Variants in AHI1 observed in about 807,000 individuals in gnomAD.
The protein encoded by AHI1 is jouberin.
A neutral mutation model predicts 149.3 loss-of-function variants in AHI1; 123 were observed. That is an observed-to-expected ratio of 0.82 (90% CI 0.71 to 0.96). The LOEUF is 0.96. AHI1 is among the 40% of genes least tolerant of loss of function. The pLI is 0.00. For synonymous variants in AHI1, 475 were observed against 459.8 expected (o/e 1.03, Z -0.42); for missense variants, 1,439 against 1,422.7 (o/e 1.01, Z -0.18).
At chr6:135,411,935 C>A (rs984387756) in intron 20 of AHI1, among the ~76,000 whole-genome samples, 1 of 152,138 alleles carries the variant, frequency 6.6e-6, no homozygotes, top group Non-Finnish European at 1.5e-5. Flanking sequence ...TTAATTTTTA[C>A]ACACACATTC....
intron 5 of AHI1, among the ~76,000 whole-genome samples, chr6:135,480,388 G>A (rs566169386): frequency 3.9e-4 from 60 of 152,164 alleles, no homozygotes; most frequent in African/African-American, 1.4e-3. Flanking sequence ...AGCCCAGGAG[G>A]TGAAGGCTGC....
At chr6:135,326,333 A>G (rs1262260783) in intron 24 of AHI1, among the ~76,000 whole-genome samples, 1 of 152,210 alleles carries the variant, frequency 6.6e-6, no homozygotes, top group Non-Finnish European at 1.5e-5. Context: ...TCTGCAAGCC[A>G]GCAGGAGAGG....
At chr6:135,359,545 T>A (rs533780065) in intron 23 of AHI1, among the ~76,000 whole-genome samples, 1 of 152,320 alleles carries the variant, frequency 6.6e-6, no homozygotes, top group African/African-American at 2.4e-5. Flanking sequence ...TAGATTCCTA[T>A]TGTAAGATTT....
chr6:135,357,417 C>G (rs776204482), intron 24 of AHI1, among the ~76,000 whole-genome samples: 3 of 152,092 alleles, frequency 2.0e-5, no homozygotes, highest in Non-Finnish European at 4.4e-5. Context: ...ACAAATGTTC[C>G]AAAATTTGAA....
chr6:135,397,960 A>G (rs183770893), intron 22 of AHI1, among the ~76,000 whole-genome samples: 2 of 151,878 alleles, frequency 1.3e-5, no homozygotes, highest in African/African-American at 4.8e-5. Context: ...GACAGCTGTC[A>G]TATTTTTCCA....
intron 24 of AHI1, among the ~76,000 whole-genome samples, chr6:135,352,193 T>C (rs942425064): frequency 1.3e-5 from 2 of 152,206 alleles, no homozygotes; most frequent in Non-Finnish European, 2.9e-5. Context: ...TTTAAAACAT[T>C]ACTCCCTTCA....
chr6:135,294,239 T>A (rs536507441), intron 27 of AHI1, among the ~76,000 whole-genome samples: 1 of 152,086 alleles, frequency 6.6e-6, no homozygotes, highest in Non-Finnish European at 1.5e-5. Context: ...GGCAGGAGAA[T>A]CACCTGAACC....
At position 135,284,687 on chromosome 6, in the gene AHI1, C is replaced by G. The variant is rs1583488173; in HGVS notation, c.*958G>C. On this transcript the variant is annotated 3_prime_UTR_variant, in exon 29 of 29. Coordinates refer to ENST00000265602, the MANE Select transcript of AHI1 (RefSeq NM_001134831.2). ...AGGTATGTGCTTAAATATGAAAAGC[C>G]TTTTTTAAAAAGTAAAGACATTGGG... 1 of 151,694 alleles carries G rather than the reference C, an allele frequency of 6.6e-6. No individual in the cohort carries two copies. Among genetic ancestry groups the G allele is most frequent in the Non-Finnish European group, 1.5e-5 (1 of 67,918 alleles). 9.4% of individuals were successfully genotyped at this position (151,694 alleles called of 1,614,324 possible). A position where few individuals can be genotyped will look rare whatever the true frequency, so the allele number is the denominator to read the frequency against.
chr6:135,420,363 A>AT (rs1046893875), intron 20 of AHI1, among the ~76,000 whole-genome samples: 2 of 152,206 alleles, frequency 1.3e-5, no homozygotes, highest in African/African-American at 4.8e-5. Context: ...CGTGAAAGTC[A>AT]AAATTACTCC....
rs897672901 is a variant in AHI1 at position 135,457,850 on chromosome 6, G to C, written c.932-137C>G. ...TCAGGGGGAAAGAAAGAAAAAGCCA[G>C]ACAACAGCAAACCATAGTGTGAAAG... is the stretch of plus-strand genomic sequence containing the variant. On this transcript the variant is annotated intron_variant, in intron 8 of 28. Coordinates refer to ENST00000265602, the MANE Select transcript of AHI1 (RefSeq NM_001134831.2). 9.8e-5 allele frequency: 72 copies of C among 734,554 alleles called. No homozygotes were observed. In the Middle Eastern group the frequency reaches 1.3e-3, roughly 13 times the overall value. The allele number at this position is 734,554 out of a possible 1,614,324, so 45.5% of individuals were successfully genotyped here.
At chr6:135,473,126 T>G (rs528592147) in intron 5 of AHI1, among the ~76,000 whole-genome samples, 1 of 152,314 alleles carries the variant, frequency 6.6e-6, no homozygotes, top group East Asian at 1.9e-4. Flanking sequence ...CACTTCTAGT[T>G]AATTTTTAAA....
At chr6:135,470,979 T>C (rs933237898) in intron 5 of AHI1, among the ~76,000 whole-genome samples, 4 of 152,216 alleles carry the variant, frequency 2.6e-5, no homozygotes, top group Admixed American at 6.5e-5. Flanking sequence ...TTTATGACTT[T>C]TATTCATACC....
intron 20 of AHI1, among the ~76,000 whole-genome samples, chr6:135,424,688 C>T (rs921160160): frequency 6.6e-6 from 1 of 151,972 alleles, no homozygotes; most frequent in Admixed American, 6.6e-5. Flanking sequence ...TGCTTGCTAA[C>T]TCTTCACAGA....
At chr6:135,431,818 T>G (rs1448201023) in intron 16 of AHI1, among the ~76,000 whole-genome samples, 2 of 152,146 alleles carry the variant, frequency 1.3e-5, no homozygotes, top group African/African-American at 4.8e-5. Context: ...CAGGAATATC[T>G]CAAACACCAC....
At chr6:135,455,415 T>C (rs1462875716) in intron 10 of AHI1, among the ~76,000 whole-genome samples, 1 of 152,192 alleles carries the variant, frequency 6.6e-6, no homozygotes, top group Non-Finnish European at 1.5e-5. Context: ...CTTTGTGAAA[T>C]GGGTTTAAAA....
intron 27 of AHI1, among the ~76,000 whole-genome samples, chr6:135,298,168 T>A (rs1783384141): frequency 6.6e-6 from 1 of 152,018 alleles, no homozygotes; most frequent in Non-Finnish European, 1.5e-5. Flanking sequence ...ATGAAGAACA[T>A]CACAGGGCAT....
chr6:135,458,872 A>G (rs918927408), intron 8 of AHI1, among the ~76,000 whole-genome samples: 1 of 152,222 alleles, frequency 6.6e-6, no homozygotes, highest in Non-Finnish European at 1.5e-5. Flanking sequence ...GCTATGAATT[A>G]TTAGAGATAA....
At chr6:135,420,124 T>C (rs192785196) in intron 20 of AHI1, among the ~76,000 whole-genome samples, 9 of 152,276 alleles carry the variant, frequency 5.9e-5, no homozygotes, top group East Asian at 1.9e-4. Context: ...ACTTCCTTCA[T>C]TGAAGTCTTG....
intron 5 of AHI1, among the ~76,000 whole-genome samples, chr6:135,487,368 T>C (rs972863926): frequency 2.0e-5 from 3 of 152,188 alleles, no homozygotes; most frequent in African/African-American, 7.2e-5. Context: ...CTTTGCTCAA[T>C]CTTTGAAAAC....
Sources: allele counts gnomAD v4.1 joint callset (sites outside exome capture counted in the v4.1 genomes callset), GRCh38; gene constraint gnomAD v4.1.1; transcripts MANE v1.5; gene names NCBI Gene and HGNC (gene_info 2026-07-23, HGNC 2026-07-21).